Variants in TANC1 observed in about 807,000 individuals in gnomAD.
The protein encoded by TANC1 is protein TANC1.
TANC1 carries 77 observed loss-of-function variants against 149.7 expected under a neutral mutation model. The ratio of observed to expected loss-of-function variants is 0.51; its 90% CI spans 0.43 to 0.62. The LOEUF (loss-of-function observed/expected upper bound fraction) is 0.62, where lower values mean the gene tolerates loss of function less well. Among genes scored for constraint, TANC1 ranks in the 20% least tolerant of loss-of-function variants. The pLI is 0.00. For synonymous variants in TANC1, 854 were observed against 925.0 expected (o/e 0.92, Z 1.39); for missense variants, 1,985 against 2,321.8 (o/e 0.85, Z 2.98).
At chr2:159,211,826 A>G (rs2150860915) in intron 19 of TANC1, among the ~76,000 whole-genome samples, 1 of 152,282 alleles carries the variant, frequency 6.6e-6, no homozygotes. Flanking sequence ...GATCTGTTTT[A>G]AGCCTGAGCA....
Position 159,053,177 on chromosome 2 carries a change from C to G in TANC1, c.-15-12719C>G, listed in dbSNP as rs150423937. Among the ~76,000 whole-genome samples the G allele has an allele frequency of 1.3e-3, 190 of 151,120 alleles. 1 individual carries two copies. The highest frequency in any genetic ancestry group is 4.2e-3 in the African/African-American group (171 of 41,148). ...TATTTGGCCTTTGTTTTCTAGCATG[C>G]CTTGTCTGTGACTTTTATCATCTGG... On this transcript the variant is annotated intron_variant, in intron 2 of 26. Transcript: ENST00000263635.
At chr2:159,123,889 C>T (rs2049115987) in intron 4 of TANC1, among the ~76,000 whole-genome samples, 1 of 152,160 alleles carries the variant, frequency 6.6e-6, no homozygotes, top group Admixed American at 6.6e-5. Flanking sequence ...AGTCTCCCCT[C>T]GTGCCCCCAG....
At chr2:159,121,266 C>T (rs1030779022) in intron 4 of TANC1, among the ~76,000 whole-genome samples, 2 of 152,200 alleles carry the variant, frequency 1.3e-5, no homozygotes, top group African/African-American at 4.8e-5. Context: ...ACCTAGCTGC[C>T]AAGGAGGCTG....
chr2:159,068,497 C>T (rs949798147), intron 3 of TANC1, among the ~76,000 whole-genome samples: 1 of 152,120 alleles, frequency 6.6e-6, no homozygotes, highest in Non-Finnish European at 1.5e-5. Flanking sequence ...CAATCTTTTA[C>T]TACACTTTTA....
chr2:159,008,486 A>G (rs2037439172), intron 2 of TANC1, among the ~76,000 whole-genome samples: 1 of 152,218 alleles, frequency 6.6e-6, no homozygotes, highest in Non-Finnish European at 1.5e-5. Flanking sequence ...CTTGGTTTCC[A>G]GCATGCTCAG....
intron 14 of TANC1, among the ~76,000 whole-genome samples, chr2:159,182,283 G>C (rs1473605078): frequency 6.6e-6 from 1 of 151,006 alleles, no homozygotes; most frequent in African/African-American, 2.5e-5. Flanking sequence ...TGCTACATCT[G>C]TTTCCTTTTT....
At chr2:159,047,378 C>CTTCTT (rs1416742356) in intron 2 of TANC1, among the ~76,000 whole-genome samples, 34 of 152,070 alleles carry the variant, frequency 2.2e-4, no homozygotes, top group Non-Finnish European at 2.8e-4. Context: ...TCTTAATTTC[C>CTTCTT]TAAATAAAGA....
At chr2:159,143,214 C>T (rs1180084994) in intron 5 of TANC1, among the ~76,000 whole-genome samples, 2 of 151,902 alleles carry the variant, frequency 1.3e-5, no homozygotes, top group Non-Finnish European at 2.9e-5. Context: ...GATGGTTTCC[C>T]AAGACTTTTC....
At chr2:159,144,718 T>G (rs939029886) in intron 5 of TANC1, among the ~76,000 whole-genome samples, 1 of 152,012 alleles carries the variant, frequency 6.6e-6, no homozygotes, top group Non-Finnish European at 1.5e-5. Flanking sequence ...TTAAATACTG[T>G]TTTTGGAACT....
intron 2 of TANC1, among the ~76,000 whole-genome samples, chr2:159,040,788 C>T (rs181078784): frequency 6.6e-6 from 1 of 152,302 alleles, no homozygotes; most frequent in Admixed American, 6.5e-5. Context: ...ATTCTCCGTC[C>T]AGCTTTTTTC....
Position 159,166,866 on chromosome 2 carries a change from G to A in TANC1, c.947-2384G>A, listed in dbSNP as rs569275371. 3.3e-5 allele frequency among the ~76,000 whole-genome samples: 5 copies of A among 152,288 alleles called. No individual in the cohort carries two copies. In the East Asian group the frequency reaches 5.8e-4, roughly 18 times the overall value. On this transcript the variant is annotated intron_variant, in intron 8 of 26. Transcript: ENST00000263635. ...ATGGCCCTGCTGCAGCTTTCAGCTC[G>A]GCTTAATCGTATTTGAAATTGAGAA... is the stretch of plus-strand genomic sequence containing the variant.
Position 159,107,686 on chromosome 2 carries a change from C to A in TANC1, c.259+9852C>A, listed in dbSNP as rs146661335. Among the ~76,000 whole-genome samples, 202 of 152,304 alleles carry A rather than the reference C, an allele frequency of 1.3e-3. 1 individual carries two copies. Among genetic ancestry groups the A allele is most frequent in the African/African-American group, 4.3e-3 (179 of 41,558 alleles). ...TTGTTCCTCTTCCCCCATTGCTCAT[C>A]CTCTGGAAATTCCTATGCCTAGGTC... On this transcript the variant is annotated intron_variant, in intron 4 of 26. Transcript: ENST00000263635.
intron 3 of TANC1, among the ~76,000 whole-genome samples, chr2:159,094,410 G>T (rs762067858): frequency 6.6e-6 from 1 of 152,218 alleles, no homozygotes; most frequent in Non-Finnish European, 1.5e-5. Flanking sequence ...ATTAGGTGAC[G>T]TGATGTGGTT....
At position 159,196,165 on chromosome 2, in the gene TANC1, C is replaced by G. The variant is rs1488574634; in HGVS notation, c.2980-443C>G. Among the ~76,000 whole-genome samples the G allele has an allele frequency of 2.0e-5, 3 of 152,338 alleles. No homozygotes were observed. The East Asian group carries it at 5.8e-4, about 29-fold the overall frequency. ...CTCAGCTGTTTTTCCACATCCCTCT[C>G]TTTCTTCGGATCCCCTGGCTCAGTG... is the stretch of plus-strand genomic sequence containing the variant. On this transcript the variant is annotated intron_variant, in intron 17 of 26. Coordinates refer to ENST00000263635, the MANE Select transcript of TANC1 (RefSeq NM_033394.3).
intron 1 of TANC1, among the ~76,000 whole-genome samples, chr2:158,972,314 C>T (rs1370347612): frequency 6.6e-6 from 1 of 152,212 alleles, no homozygotes; most frequent in African/African-American, 2.4e-5. Flanking sequence ...AGCCTAATTG[C>T]AAAGCCTGGG....
chr2:159,159,717 T>TGAGAGAGA (rs56101796), intron 7 of TANC1, among the ~76,000 whole-genome samples: 37 of 114,972 alleles, frequency 3.2e-4, no homozygotes, highest in East Asian at 2.9e-3. Context: ...TGTGTGTGTG[T>TGAGAGAGA]GAGAGAGAGA....
At chr2:159,218,804 G>A (rs2059506972) in intron 20 of TANC1, among the ~76,000 whole-genome samples, 1 of 152,320 alleles carries the variant, frequency 6.6e-6, no homozygotes, top group African/African-American at 2.4e-5. Flanking sequence ...TGTGGTGGGC[G>A]AGCTTCTTTC....
intron 3 of TANC1, among the ~76,000 whole-genome samples, chr2:159,070,200 C>T (rs2043023672): frequency 6.6e-6 from 1 of 152,242 alleles, no homozygotes; most frequent in Admixed American, 6.5e-5. Flanking sequence ...AACCATCTAG[C>T]TCCTCCATAA....
At position 159,224,341 on chromosome 2, in the gene TANC1, T is replaced by C. The variant is rs1013897955; in HGVS notation, c.3788T>C (p.Leu1263Pro). Residue 1263 changes from leucine to proline, a missense_variant, in exon 23 of 27, where the codon CTA (leucine) becomes CCA (proline). Physicochemically the swap from Leu to Pro is moderately conservative, Grantham distance 98 (BLOSUM62 -3). Transcript: ENST00000263635. ...CGGAACACATCTGTAGTGGTGGCGC[T>C]ACTCAGAAAGGGAGCCAAGTTAGGT... is the stretch of plus-strand genomic sequence containing the variant. ...GCRNTSVVVALLRKGAKLGNA... is the reference protein window; with the variant it reads ...GCRNTSVVVAPLRKGAKLGNA... 6 of 1,613,998 alleles carry C rather than the reference T, an allele frequency of 3.7e-6. No homozygotes were observed. Among genetic ancestry groups the C allele is most frequent in the Non-Finnish European group, 5.1e-6 (6 of 1,180,032 alleles).
Sources: allele counts gnomAD v4.1 joint callset (sites outside exome capture counted in the v4.1 genomes callset), GRCh38; gene constraint gnomAD v4.1.1; transcripts MANE v1.5; gene names NCBI Gene and HGNC (gene_info 2026-07-23, HGNC 2026-07-21).